Variants in MAP7 observed in about 807,000 individuals in gnomAD.
MAP7 encodes the protein microtubule associated protein 7.
Under a neutral mutation model 94.8 loss-of-function variants are expected in MAP7, and 52 were observed. The observed-to-expected ratio is 0.55, with a 90% CI of 0.44 to 0.69. The LOEUF (loss-of-function observed/expected upper bound fraction) is 0.69, where lower values mean the gene tolerates loss of function less well. MAP7 is among the 30% of genes least tolerant of loss of function. MAP7 has a pLI of 0.00. For missense variants in MAP7, 940 were observed against 964.6 expected, an observed-to-expected ratio of 0.97 and a Z score of 0.34; for synonymous variants, 350 against 357.0, an observed-to-expected ratio of 0.98 and a Z score of 0.22.
rs774713656 is a variant in MAP7, at chr6:136,359,898, G to A, written c.1855-21C>T. Reference sequence around the variant, plus strand: ...GTTTTCTACGAAGAAGAAAAAAAGAGGACTTTTAAAAATTAGAGTTACAAG... The same window carrying A: ...GTTTTCTACGAAGAAGAAAAAAAGAAGACTTTTAAAAATTAGAGTTACAAG... On this transcript the variant is annotated intron_variant, in intron 14 of 17. Transcript: ENST00000354570. 1.1e-5 allele frequency: 18 copies of A among 1,611,728 alleles called. No individual in the cohort carries two copies. In the South Asian group the frequency reaches 1.9e-4, roughly 17 times the overall value.
intron 1 of MAP7, among the ~76,000 whole-genome samples, chr6:136,536,522 T>C (rs576400986): frequency 6.6e-6 from 1 of 152,312 alleles, no homozygotes; most frequent in East Asian, 1.9e-4. Flanking sequence ...TCATAAAGTG[T>C]AATGGCTATA....
chr6:136,352,916 G>A (rs1466697970), intron 16 of MAP7, among the ~76,000 whole-genome samples: 1 of 152,140 alleles, frequency 6.6e-6, no homozygotes, highest in African/African-American at 2.4e-5. Context: ...GTAATACAAG[G>A]CAAAAATACA....
chr6:136,511,058 A>T (rs1823120571), intron 1 of MAP7, among the ~76,000 whole-genome samples: 1 of 152,224 alleles, frequency 6.6e-6, no homozygotes, highest in African/African-American at 2.4e-5. Flanking sequence ...GTCATGCAGC[A>T]TCAAAGTAGA....
chr6:136,376,184 C>T (rs1436173400), intron 7 of MAP7, among the ~76,000 whole-genome samples: 8 of 152,230 alleles, frequency 5.3e-5, no homozygotes, highest in East Asian at 3.9e-4. Flanking sequence ...CTGCAAGCTC[C>T]GCCTCCCAGG....
intron 16 of MAP7, among the ~76,000 whole-genome samples, chr6:136,348,679 A>C (rs779217629): frequency 5.9e-5 from 9 of 152,202 alleles, no homozygotes; most frequent in Admixed American, 3.9e-4. Flanking sequence ...GATATTTATT[A>C]ATTATGTTAA....
intron 1 of MAP7, among the ~76,000 whole-genome samples, chr6:136,470,708 T>A (rs1256990508): frequency 6.6e-6 from 1 of 151,980 alleles, no homozygotes; most frequent in Non-Finnish European, 1.5e-5. Context: ...TTAGAACACA[T>A]CAGAGGTGGG....
chr6:136,394,927 C>A (rs1781873483), intron 3 of MAP7, among the ~76,000 whole-genome samples: 1 of 27,080 alleles, frequency 3.7e-5, no homozygotes, highest in Non-Finnish European at 9.0e-5. Context: ...GAATAATATT[C>A]CATCATATAT....
rs1823582959 is a variant in MAP7, at chr6:136,512,544, A to G, written c.67+37798T>C. On this transcript the variant is annotated intron_variant, in intron 1 of 17. Transcript: ENST00000354570. ...GCCAGTTCAGTTCCAGACCACCCCA[A>G]TAAAGCAAATATTGCAATAAAGCAA... Among the ~76,000 whole-genome samples, 3 of 152,226 alleles carry G rather than the reference A, an allele frequency of 2.0e-5. No individual in the cohort carries two copies. The South Asian group carries it at 6.2e-4, about 31-fold the overall frequency.
intron 1 of MAP7, among the ~76,000 whole-genome samples, chr6:136,455,501 T>C (rs1211173118): frequency 6.6e-6 from 1 of 152,094 alleles, no homozygotes; most frequent in African/African-American, 2.4e-5. Context: ...AAGACATATA[T>C]AGAATATTTC....
intron 1 of MAP7, among the ~76,000 whole-genome samples, chr6:136,548,438 G>C (rs772411878): frequency 6.6e-6 from 1 of 151,998 alleles, no homozygotes; most frequent in Non-Finnish European, 1.5e-5. Flanking sequence ...AAAGAGATGC[G>C]GGGCCAGAAT....
intron 1 of MAP7, among the ~76,000 whole-genome samples, chr6:136,509,726 T>C (rs1425861036): frequency 6.6e-6 from 1 of 152,172 alleles, no homozygotes; most frequent in Non-Finnish European, 1.5e-5. Context: ...TGCTGGGCTA[T>C]TTTTTAATTT....
intron 1 of MAP7, among the ~76,000 whole-genome samples, chr6:136,503,838 A>G (rs1820556981): frequency 6.6e-6 from 1 of 152,244 alleles, no homozygotes; most frequent in African/African-American, 2.4e-5. Flanking sequence ...GCAATTTGGC[A>G]TGTGAAAATG....
At chr6:136,491,574 C>G (rs1302798541) in intron 1 of MAP7, among the ~76,000 whole-genome samples, 3 of 152,176 alleles carry the variant, frequency 2.0e-5, no homozygotes, top group African/African-American at 7.2e-5. Context: ...AAACCTGTAT[C>G]CCTGTGCAAG....
chr6:136,543,387 G>A (rs953944616), intron 1 of MAP7, among the ~76,000 whole-genome samples: 1 of 152,174 alleles, frequency 6.6e-6, no homozygotes, highest in Non-Finnish European at 1.5e-5. Flanking sequence ...AGCGGCTCAC[G>A]CCTGTAATCC....
At position 136,391,520 on chromosome 6, in the gene MAP7, G is replaced by A. The variant is rs535288325; in HGVS notation, c.245-2003C>T. On this transcript the variant is annotated intron_variant, in intron 3 of 17. Coordinates refer to ENST00000354570, the MANE Select transcript of MAP7 (RefSeq NM_003980.6). ...TACATATGTAACTAACCTGCACAAT[G>A]TGCACATGTACCCTAAAACTTAGAG... is the stretch of plus-strand genomic sequence containing the variant. Among the ~76,000 whole-genome samples the A allele has an allele frequency of 4.7e-5, 7 of 148,008 alleles. No individual in the cohort carries two copies. The South Asian group carries it at 1.5e-3, about 32-fold the overall frequency.
chr6:136,497,724 G>A (rs79255647), intron 1 of MAP7, among the ~76,000 whole-genome samples: 11,082 of 149,486 alleles, frequency 0.074, 950 homozygotes, highest in African/African-American at 0.2. Flanking sequence ...GCTTGAACCC[G>A]GGAGGTGGAT....
intron 1 of MAP7, among the ~76,000 whole-genome samples, chr6:136,534,554 G>T (rs146552157): frequency 6.6e-6 from 1 of 152,146 alleles, no homozygotes; most frequent in Non-Finnish European, 1.5e-5. Flanking sequence ...AACATGCTGC[G>T]AACGAAAGCA....
chr6:136,402,905 C>CAAAAAAAAAA (rs57114676), intron 3 of MAP7, among the ~76,000 whole-genome samples: 75 of 67,394 alleles, frequency 1.1e-3, no homozygotes, highest in Non-Finnish European at 1.5e-3. Context: ...GACTCTGTCT[C>CAAAAAAAAAA]AAAAAAAAAA....
intron 16 of MAP7, among the ~76,000 whole-genome samples, chr6:136,354,674 T>C (rs996067829): frequency 2.6e-5 from 4 of 152,010 alleles, no homozygotes; most frequent in African/African-American, 9.6e-5. Context: ...CTTACATATA[T>C]GACAAAGGAT....
Sources: allele counts gnomAD v4.1 joint callset (sites outside exome capture counted in the v4.1 genomes callset), GRCh38; gene constraint gnomAD v4.1.1; transcripts MANE v1.5; gene names NCBI Gene and HGNC (gene_info 2026-07-23, HGNC 2026-07-21).